METTL15: variants seen among roughly 807,000 people sequenced by gnomAD.
The protein encoded by METTL15 is 12S rRNA N(4)-cytidine methyltransferase METTL15.
A neutral mutation model predicts 38.3 loss-of-function variants in METTL15; 34 were observed. The observed-to-expected ratio is 0.89, with a 90% CI of 0.68 to 1.18. The LOEUF (loss-of-function observed/expected upper bound fraction) is 1.18, where lower values mean the gene tolerates loss of function less well. METTL15 is among the 50% of genes most tolerant of loss of function. The pLI, the probability that METTL15 is intolerant of heterozygous loss-of-function variation, is 0.00. For missense variants in METTL15, 438 were observed against 498.4 expected (o/e 0.88, Z 1.15); for synonymous variants, 162 against 170.9 (o/e 0.95, Z 0.41).
At chr11:28,384,814 T>A (rs11030312) in intron 5 of METTL15, among the ~76,000 whole-genome samples, 8 of 152,196 alleles carry the variant, frequency 5.3e-5, no homozygotes, top group African/African-American at 1.9e-4. Context: ...GTTATTTTTT[T>A]ATTTTTTAAT....
intron 4 of METTL15, among the ~76,000 whole-genome samples, chr11:28,255,925 A>G (rs1407709925): frequency 6.6e-6 from 1 of 152,014 alleles, no homozygotes; most frequent in South Asian, 2.1e-4. Context: ...CTGGTCTCGA[A>G]CTCCCAACCT....
intron 4 of METTL15, among the ~76,000 whole-genome samples, chr11:28,221,646 C>A (rs527395292): frequency 6.6e-6 from 1 of 152,224 alleles, no homozygotes; most frequent in Admixed American, 6.5e-5. Context: ...TTAGAATTTC[C>A]AGTTTTTCTG....
At chr11:28,307,418 C>G (rs1857120659) in intron 6 of METTL15, among the ~76,000 whole-genome samples, 1 of 151,764 alleles carries the variant, frequency 6.6e-6, no homozygotes, top group Non-Finnish European at 1.5e-5. Flanking sequence ...CCATTTTGTT[C>G]ATAGTTTTGA....
At chr11:28,216,440 A>G (rs905642684) in intron 4 of METTL15, among the ~76,000 whole-genome samples, 2 of 152,046 alleles carry the variant, frequency 1.3e-5, no homozygotes, top group African/African-American at 4.8e-5. Flanking sequence ...AGTAAAATAG[A>G]TCCATTTCAA....
chr11:28,397,181 GC>G (rs1850579990), intron 5 of METTL15, among the ~76,000 whole-genome samples: 1 of 151,994 alleles, frequency 6.6e-6, no homozygotes, highest in Non-Finnish European at 1.5e-5. Flanking sequence ...ATAGGCATGG[GC>G]AAGGACTTCA....
chr11:28,375,444 T>G (rs1850298299), intron 5 of METTL15, among the ~76,000 whole-genome samples: 1 of 151,928 alleles, frequency 6.6e-6, no homozygotes, highest in African/African-American at 2.4e-5. Context: ...ATTTTCTAGT[T>G]TATTTGCATA....
chr11:28,271,138 G>T (rs1236645057), intron 4 of METTL15, among the ~76,000 whole-genome samples: 2 of 152,032 alleles, frequency 1.3e-5, no homozygotes, highest in Admixed American at 6.6e-5. Context: ...AAACAGGCCG[G>T]ACTGCAGAAA....
intron 6 of METTL15, among the ~76,000 whole-genome samples, chr11:28,448,302 A>T (rs2133445376): frequency 6.6e-6 from 1 of 152,212 alleles, no homozygotes; most frequent in African/African-American, 2.4e-5. Flanking sequence ...GCATGAATAG[A>T]TCTCTGGTGA....
intron 3 of METTL15, among the ~76,000 whole-genome samples, chr11:28,161,333 C>A (rs1160733207): frequency 6.6e-6 from 1 of 151,924 alleles, no homozygotes; most frequent in Non-Finnish European, 1.5e-5. Context: ...GTTGGCTAGG[C>A]TGGCTCCAAC....
In METTL15 at chr11:28,404,022, G is replaced by T. The variant is rs576265550; in HGVS notation, c.*359-20277G>T. Reference sequence around the variant, plus strand: ...ACCACTGTGTTCAACATAAGCTTTAGTTTGTGGCTTTTTTGTTCTTCATGT... The same window carrying T: ...ACCACTGTGTTCAACATAAGCTTTATTTTGTGGCTTTTTTGTTCTTCATGT... On this transcript the variant is annotated intron_variant and NMD_transcript_variant, in intron 5 of 7. Transcript: ENST00000532947. 3.3e-5 allele frequency among the ~76,000 whole-genome samples: 5 copies of T among 152,014 alleles called. No individual in the cohort carries two copies. The East Asian group carries it at 9.7e-4, about 29-fold the overall frequency.
At chr11:28,325,327 T>A (rs1156614179) in intron 6 of METTL15, among the ~76,000 whole-genome samples, 1 of 152,216 alleles carries the variant, frequency 6.6e-6, no homozygotes, top group African/African-American at 2.4e-5. Context: ...ACAGCCATGT[T>A]CCTTAAACTC....
chr11:28,244,780 C>T (rs1283363016), intron 4 of METTL15, among the ~76,000 whole-genome samples: 3 of 152,198 alleles, frequency 2.0e-5, no homozygotes, highest in Non-Finnish European at 4.4e-5. Context: ...CAGTCAGAAG[C>T]CACTACATTT....
chr11:28,154,586 A>G (rs140541129), intron 3 of METTL15, among the ~76,000 whole-genome samples: 12 of 152,136 alleles, frequency 7.9e-5, no homozygotes, highest in African/African-American at 2.9e-4. Flanking sequence ...TTGAATAAAT[A>G]AAGTTGTAAT....
At chr11:28,415,639 T>C (rs2133416441) in intron 5 of METTL15, among the ~76,000 whole-genome samples, 1 of 152,290 alleles carries the variant, frequency 6.6e-6, no homozygotes, top group Non-Finnish European at 1.5e-5. Flanking sequence ...GTACAGAGCC[T>C]TGGGAATGGG....
chr11:28,500,992 T>G (rs754660113), intron 6 of METTL15, among the ~76,000 whole-genome samples: 1 of 152,214 alleles, frequency 6.6e-6, no homozygotes, highest in Non-Finnish European at 1.5e-5. Flanking sequence ...TTTTATCTTC[T>G]TCAAGCCCAA....
chr11:28,215,029 C>G (rs1460966704), intron 4 of METTL15, among the ~76,000 whole-genome samples: 1 of 152,056 alleles, frequency 6.6e-6, no homozygotes, highest in East Asian at 1.9e-4. Context: ...AAAGAAGATG[C>G]AAAGATATAG....
intron 3 of METTL15, among the ~76,000 whole-genome samples, chr11:28,158,215 G>C (rs900092442): frequency 1.3e-5 from 2 of 152,296 alleles, no homozygotes; most frequent in Middle Eastern, 6.8e-3. Context: ...TGCATCTCAC[G>C]TGAGTGCTCA....
intron 6 of METTL15, among the ~76,000 whole-genome samples, chr11:28,436,773 A>T (rs965985975): frequency 1.3e-5 from 2 of 152,070 alleles, no homozygotes; most frequent in African/African-American, 4.8e-5. Flanking sequence ...CATTTTATAC[A>T]CTCAGTGTGA....
At chr11:28,274,218 T>C (rs1374776784) in intron 4 of METTL15, among the ~76,000 whole-genome samples, 1 of 152,124 alleles carries the variant, frequency 6.6e-6, no homozygotes, top group South Asian at 2.1e-4. Flanking sequence ...AAAAAAGAAA[T>C]GAAAATCCAC....
Sources: gnomAD v4.1 joint callset for allele counts (sites outside exome capture counted in the v4.1 genomes callset) on GRCh38, gnomAD v4.1.1 for gene constraint, MANE v1.5 for transcripts, NCBI Gene and HGNC (gene_info 2026-07-23, HGNC 2026-07-21) for gene names.